Variants in L3MBTL4 observed in about 807,000 individuals in gnomAD.
L3MBTL4 encodes lethal(3)malignant brain tumor-like protein 4.
Under a neutral mutation model 84.5 loss-of-function variants are expected in L3MBTL4, and 70 were observed. That is an observed-to-expected ratio of 0.83 (90% CI 0.68 to 1.01). The LOEUF (loss-of-function observed/expected upper bound fraction) is 1.01, where lower values mean the gene tolerates loss of function less well. L3MBTL4 is among the 50% of genes least tolerant of loss of function. L3MBTL4 has a pLI of 0.00. For missense variants in L3MBTL4, 715 were observed against 754.8 expected (o/e 0.95, Z 0.62); for synonymous variants, 274 against 259.8 (o/e 1.05, Z -0.52).
intron 16 of L3MBTL4, among the ~76,000 whole-genome samples, chr18:6,039,955 G>A (rs2083592985): frequency 6.6e-6 from 1 of 152,192 alleles, no homozygotes. Flanking sequence ...TATCGAGAAT[G>A]TCAGGATAGC....
chr18:6,332,548 G>C (rs1476569869), intron 1 of L3MBTL4, among the ~76,000 whole-genome samples: 1 of 152,190 alleles, frequency 6.6e-6, no homozygotes, highest in Non-Finnish European at 1.5e-5. Context: ...CAAAACCAAA[G>C]AGATTCAATT....
chr18:6,240,520 A>G (rs916077275), intron 8 of L3MBTL4, among the ~76,000 whole-genome samples: 3 of 152,046 alleles, frequency 2.0e-5, no homozygotes, highest in African/African-American at 4.8e-5. Context: ...TTACAATAAC[A>G]TAACAATTAC....
chr18:6,053,752 G>T (rs770352907), intron 16 of L3MBTL4, among the ~76,000 whole-genome samples: 6 of 152,054 alleles, frequency 3.9e-5, no homozygotes, highest in Non-Finnish European at 8.8e-5. Flanking sequence ...CTATTCCCCA[G>T]TAAACTCTTT....
At chr18:6,346,520 T>C (rs1311534864) in intron 1 of L3MBTL4, among the ~76,000 whole-genome samples, 2 of 151,934 alleles carry the variant, frequency 1.3e-5, no homozygotes, top group East Asian at 3.9e-4. Flanking sequence ...AACCTGATAT[T>C]AAATTGGGCA....
chr18:6,390,464 G>T (rs1182847675), intron 1 of L3MBTL4, among the ~76,000 whole-genome samples: 1 of 151,968 alleles, frequency 6.6e-6, no homozygotes, highest in African/African-American at 2.4e-5. Context: ...CAGAAGAAAA[G>T]AAATAACAAG....
intron 16 of L3MBTL4, among the ~76,000 whole-genome samples, chr18:6,002,177 A>G (rs897438127): frequency 6.6e-6 from 1 of 152,146 alleles, no homozygotes; most frequent in Non-Finnish European, 1.5e-5. Flanking sequence ...AAAATCATCA[A>G]CCTAGAATTC....
chr18:6,190,200 C>T (rs1599076619), intron 12 of L3MBTL4, among the ~76,000 whole-genome samples: 1 of 152,268 alleles, frequency 6.6e-6, no homozygotes, highest in East Asian at 1.9e-4. Flanking sequence ...ATAAGAAATA[C>T]ATGACTCCAT....
intron 15 of L3MBTL4, among the ~76,000 whole-genome samples, chr18:6,092,594 C>T (rs1392503418): frequency 6.6e-6 from 1 of 152,232 alleles, no homozygotes; most frequent in Middle Eastern, 3.2e-3. Flanking sequence ...ACCCATTTCT[C>T]ATCTCTCTGT....
chr18:6,287,101 T>C (rs1166349443), intron 4 of L3MBTL4, among the ~76,000 whole-genome samples: 1 of 152,186 alleles, frequency 6.6e-6, no homozygotes, highest in Non-Finnish European at 1.5e-5. Context: ...TGCATTTTAA[T>C]TGGCTTTTGT....
chr18:5,980,145 A>AG (rs869213548), intron 16 of L3MBTL4, among the ~76,000 whole-genome samples: 2 of 130,450 alleles, frequency 1.5e-5, no homozygotes, highest in Non-Finnish European at 3.3e-5. Flanking sequence ...ACAGACATAG[A>AG]AAAGTCAGTC....
intron 5 of L3MBTL4, among the ~76,000 whole-genome samples, chr18:6,254,177 TA>T (rs1188415374): frequency 1.3e-5 from 2 of 152,130 alleles, no homozygotes; most frequent in Non-Finnish European, 2.9e-5. Context: ...TCCCTGAGGA[TA>T]TTATCAATAG....
chr18:6,375,031 T>A (rs938758954), intron 1 of L3MBTL4, among the ~76,000 whole-genome samples: 3 of 152,154 alleles, frequency 2.0e-5, no homozygotes, highest in African/African-American at 7.2e-5. Context: ...TCTGCTTTGG[T>A]GCATTGGGAA....
rs369314308 is a variant in L3MBTL4, at chr18:6,292,814, G to A, written c.127+9089C>T. Among the ~76,000 whole-genome samples, 19 of 152,172 alleles carry A rather than the reference G, an allele frequency of 1.2e-4. No homozygotes were observed. In the East Asian group the frequency reaches 2.1e-3, roughly 17 times the overall value. Reference sequence around the variant, plus strand: ...ATTAATCTCTGAAAGCCTGGCTGCTGAAGCCACGTGCCATAACCTGCAACC... The same window carrying A: ...ATTAATCTCTGAAAGCCTGGCTGCTAAAGCCACGTGCCATAACCTGCAACC... On this transcript the variant is annotated intron_variant, in intron 4 of 18. Coordinates refer to ENST00000317931, the MANE Select transcript of L3MBTL4 (RefSeq NM_001330559.2).
chr18:6,268,323 C>T (rs2048722430), intron 4 of L3MBTL4, among the ~76,000 whole-genome samples: 1 of 152,150 alleles, frequency 6.6e-6, no homozygotes, highest in South Asian at 2.1e-4. Context: ...AGGAGAATTG[C>T]TTGAACCCGG....
chr18:6,080,230 A>G (rs1387805777), intron 16 of L3MBTL4: 1 of 152,262 alleles, frequency 6.6e-6, no homozygotes, highest in Admixed American at 6.5e-5. Context: ...CGGGAGACAC[A>G]AATGTACAGA....
chr18:6,305,242 G>A (rs975212580), intron 3 of L3MBTL4, among the ~76,000 whole-genome samples: 2 of 152,134 alleles, frequency 1.3e-5, no homozygotes, highest in African/African-American at 4.8e-5. Flanking sequence ...CTGAATTTAG[G>A]GCTAGGTGAC....
chr18:6,193,989 G>A (rs933826543), intron 12 of L3MBTL4, among the ~76,000 whole-genome samples: 5 of 152,118 alleles, frequency 3.3e-5, no homozygotes, highest in African/African-American at 1.2e-4. Flanking sequence ...AGTACTTTGT[G>A]GGGTCGAAGA....
chr18:6,055,680 T>C (rs1218109504), intron 16 of L3MBTL4, among the ~76,000 whole-genome samples: 3 of 152,128 alleles, frequency 2.0e-5, no homozygotes, highest in Non-Finnish European at 4.4e-5. Context: ...ATACAAAATA[T>C]AATAAGGAAA....
Position 5,969,508 on chromosome 18 carries a change from G to T in L3MBTL4, c.1499C>A (p.Thr500Lys). ...GTCCCGAAAAGGGTGGGCTGACACC[G>T]TGGACATGGACACTGACTGGTGAAG... is the stretch of plus-strand genomic sequence containing the variant. ...QVLHQSVSMS[T>K]VSAHPFRDLP... Residue 500 changes from threonine to lysine, a missense_variant, in exon 17 of 19, where the codon ACG (threonine) becomes AAG (lysine). Physicochemically the swap from Thr to Lys is moderately conservative, Grantham distance 78. Transcript: ENST00000317931. The T allele has an allele frequency of 6.2e-7, 1 of 1,613,768 alleles. No individual in the cohort carries two copies. The highest frequency in any genetic ancestry group is 8.5e-7 in the Non-Finnish European group (1 of 1,179,886).
Sources: gnomAD v4.1 joint callset for allele counts (sites outside exome capture counted in the v4.1 genomes callset) on GRCh38, gnomAD v4.1.1 for gene constraint, MANE v1.5 for transcripts, NCBI Gene and HGNC (gene_info 2026-07-23, HGNC 2026-07-21) for gene names.